The following LIMK1 variants were observed in gnomAD, a reference collection of about 807,000 sequenced individuals.
The protein encoded by LIMK1 is LIM motif-containing protein kinase.
LIMK1 carries 21 observed loss-of-function variants against 77.6 expected under a neutral mutation model. That is an observed-to-expected ratio of 0.27 (90% CI 0.19 to 0.39). The LOEUF (loss-of-function observed/expected upper bound fraction) is 0.39, where lower values mean the gene tolerates loss of function less well. Among genes scored for constraint, LIMK1 ranks in the 10% least tolerant of loss-of-function variants. LIMK1 has a pLI of 1.00. For missense variants in LIMK1, 696 were observed against 901.6 expected, an observed-to-expected ratio of 0.77 and a Z score of 2.92; for synonymous variants, 358 against 370.0, an observed-to-expected ratio of 0.97 and a Z score of 0.37.
chr7:74,109,113 A>T (rs782305363), intron 10 of LIMK1, 77 bp downstream of exon 10: 27 of 1,155,566 alleles, frequency 2.3e-5, no homozygotes, highest in African/African-American at 1.5e-4. Context: ...CCTCAGTCTC[A>T]TCTCTTCAAT....
rs782597768 is a variant in LIMK1 at position 74,083,981 on chromosome 7, C to A, written c.-10C>A. 6 of 1,351,936 alleles carry A rather than the reference C, an allele frequency of 4.4e-6. No individual in the cohort carries two copies. Among genetic ancestry groups the A allele is most frequent in the Non-Finnish European group, 4.8e-6 (5 of 1,031,590 alleles). The allele number at this position is 1,351,936 out of a possible 1,614,324, so 83.7% of individuals were successfully genotyped here. On this transcript the variant is annotated 5_prime_UTR_variant, in exon 1 of 16. Transcript: ENST00000336180. ...CCCAGCCCCGCCGGGCCCCGCCCCCCGTCGAGTGCATGAGGTTGACGCTAC... is the reference window on the plus strand; with the variant it reads ...CCCAGCCCCGCCGGGCCCCGCCCCCAGTCGAGTGCATGAGGTTGACGCTAC...
chr7:74,115,563 G>A (rs892902289), intron 12 of LIMK1: 28 of 501,420 alleles, frequency 5.6e-5, no homozygotes, highest in Non-Finnish European at 7.2e-5. Flanking sequence ...GGGGCAGAGG[G>A]TGCAGCGTGT....
intron 2 of LIMK1, among the ~76,000 whole-genome samples, chr7:74,086,674 T>A (rs1799143416): frequency 6.6e-6 from 1 of 152,160 alleles, no homozygotes; most frequent in African/African-American, 2.4e-5. Context: ...GTTGTCATCC[T>A]AGATCTCTGA....
At chr7:74,091,474 G>A (rs1220324192) in intron 2 of LIMK1, among the ~76,000 whole-genome samples, 3 of 152,164 alleles carry the variant, frequency 2.0e-5, no homozygotes, top group Non-Finnish European at 2.9e-5. Context: ...CTGTGATCAC[G>A]CCACTGCACT....
chr7:74,086,237 G>T (rs1407315057), intron 2 of LIMK1, among the ~76,000 whole-genome samples: 1 of 152,086 alleles, frequency 6.6e-6, no homozygotes, highest in Non-Finnish European at 1.5e-5. Flanking sequence ...GTAGAGACGG[G>T]TTTTGCCATG....
chr7:74,109,134 C>T lies in LIMK1; in HGVS notation c.1284+98C>T, dbSNP rs782090337. On this transcript the variant is annotated intron_variant, in intron 10 of 15. Coordinates refer to ENST00000336180, the MANE Select transcript of LIMK1 (RefSeq NM_002314.4). ...TCTCATCTCTTCAATGGGGGGAAGC[C>T]ACAGGGGTCTCAAAGGCCCTCTGAA... The T allele has an allele frequency of 4.2e-6, 4 of 958,268 alleles. No individual in the cohort carries two copies. The African/African-American group carries it at 4.9e-5, about 12-fold the overall frequency. 59.4% of individuals were successfully genotyped at this position (958,268 alleles called of 1,614,324 possible). A position where few individuals can be genotyped will look rare whatever the true frequency, so the allele number is the denominator to read the frequency against.
chr7:74,114,682 G>A (rs560737441), intron 12 of LIMK1, among the ~76,000 whole-genome samples: 6 of 151,156 alleles, frequency 4.0e-5, no homozygotes, highest in East Asian at 4.0e-4. Flanking sequence ...TTGGGAGGCC[G>A]ACGTGGGCGG....
Position 74,099,236 on chromosome 7 carries a change from G to A in LIMK1, c.606G>A (p.Gln202=). The A allele has an allele frequency of 1.2e-6, 2 of 1,603,228 alleles. No individual in the cohort carries two copies. Among genetic ancestry groups the A allele is most frequent in the African/African-American group, 1.3e-5 (1 of 75,034 alleles). ...GTEHSHTVRV[Q]GVDPGCMSPD... ...AGCACTCACACACCGTCCGCGTCCA[G>A]GGGTGAGTGGCCGGCCTGCCGAGGC... The change falls in exon 5 of 16, where the codon CAG becomes CAA. Residue 202 remains glutamine, a splice_region_variant and synonymous_variant. Transcript: ENST00000336180.
chr7:74,087,615 A>G (rs1799157410), intron 2 of LIMK1, among the ~76,000 whole-genome samples: 1 of 152,026 alleles, frequency 6.6e-6, no homozygotes, highest in African/African-American at 2.4e-5. Flanking sequence ...TTTTTGAGAC[A>G]GTCTTGTTGT....
chr7:74,099,012 C>T lies in LIMK1; in HGVS notation c.402-20C>T. On this transcript the variant is annotated intron_variant, in intron 4 of 15. Transcript: ENST00000336180. ...GACGCCCTTGACACTCTTTTCTTCC[C>T]ACCCCGGCGGCTCTTGCAGCGGGCA... is the stretch of plus-strand genomic sequence containing the variant. The T allele has an allele frequency of 6.3e-7, 1 of 1,593,016 alleles. No individual in the cohort carries two copies. The highest frequency in any genetic ancestry group is 8.6e-7 in the Non-Finnish European group (1 of 1,167,822).
chr7:74,108,347 TAAAAG>T (rs1457948193), intron 9 of LIMK1, among the ~76,000 whole-genome samples: 1 of 139,780 alleles, frequency 7.2e-6, no homozygotes, highest in African/African-American at 2.7e-5. Flanking sequence ...CCAAAAAAAA[TAAAAG>T]TAACTGCATT....
At chr7:74,101,067 T>G (rs1413732514) in intron 5 of LIMK1, among the ~76,000 whole-genome samples, 1 of 152,208 alleles carries the variant, frequency 6.6e-6, no homozygotes, top group Non-Finnish European at 1.5e-5. Flanking sequence ...TTTGACGCAG[T>G]GAATGTTTCT....
At chr7:74,103,288 A>G (rs1799505014) in intron 5 of LIMK1, among the ~76,000 whole-genome samples, 1 of 141,888 alleles carries the variant, frequency 7.0e-6, no homozygotes, top group Non-Finnish European at 1.5e-5. Context: ...ACAGGGTCTC[A>G]CTGTGTTGCC....
rs1226406187 is a variant in LIMK1, at chr7:74,121,598, C to T, written c.*297C>T. 3 of 403,452 alleles carry T rather than the reference C, an allele frequency of 7.4e-6. No individual in the cohort carries two copies. The highest frequency in any genetic ancestry group is 8.2e-5 in the East Asian group (2 of 24,482). 25.0% of individuals were successfully genotyped at this position (403,452 alleles called of 1,614,324 possible). A position where few individuals can be genotyped will look rare whatever the true frequency, so the allele number is the denominator to read the frequency against. On this transcript the variant is annotated 3_prime_UTR_variant, in exon 16 of 16. Transcript: ENST00000336180. ...TGAGCTGGAGGGCCTGTGTGAGTTA[C>T]GCCCCTTTCCACACGCCGCTGCCCC...
At chr7:74,108,030 C>T (rs1387810406) in intron 9 of LIMK1, 73 bp downstream of exon 9, 10 of 1,074,432 alleles carry the variant, frequency 9.3e-6, no homozygotes, top group Admixed American at 4.0e-5. Flanking sequence ...CAACACAGGT[C>T]GGAAAAGGGC....
chr7:74,084,811 C>G (rs1554693830), intron 1 of LIMK1, among the ~76,000 whole-genome samples: 1 of 152,172 alleles, frequency 6.6e-6, no homozygotes, highest in East Asian at 1.9e-4. Flanking sequence ...CTTGGATCTC[C>G]TTCGCTGACC....
At chr7:74,120,168 G>A (rs1241194574) in intron 13 of LIMK1, among the ~76,000 whole-genome samples, 2 of 151,884 alleles carry the variant, frequency 1.3e-5, no homozygotes, top group Non-Finnish European at 2.9e-5. Flanking sequence ...TGGCATTTGG[G>A]GCCCACCCAG....
intron 4 of LIMK1, among the ~76,000 whole-genome samples, chr7:74,097,739 A>C (rs1799364613): frequency 6.6e-6 from 1 of 152,274 alleles, no homozygotes; most frequent in Non-Finnish European, 1.5e-5. Context: ...TGCTGGCACA[A>C]ACCACCAGAG....
At chr7:74,120,356 G>A (rs1362570171) in intron 13 of LIMK1, among the ~76,000 whole-genome samples, 1 of 152,204 alleles carries the variant, frequency 6.6e-6, no homozygotes, top group Non-Finnish European at 1.5e-5. Context: ...CGAACTCCTT[G>A]TCCAGGGCTC....
Sources: allele counts gnomAD v4.1 joint callset (sites outside exome capture counted in the v4.1 genomes callset), GRCh38; gene constraint gnomAD v4.1.1; transcripts MANE v1.5; gene names NCBI Gene and HGNC (gene_info 2026-07-23, HGNC 2026-07-21).